PTPRD: variants seen among roughly 807,000 people sequenced by gnomAD.
PTPRD encodes receptor-type tyrosine-protein phosphatase delta.
In PTPRD, 34 loss-of-function variants were observed where a neutral mutation model predicts 214.5. The observed-to-expected ratio is 0.16, with a 90% confidence interval of 0.12 to 0.21. The LOEUF is 0.21. Among genes scored for constraint, PTPRD ranks in the 10% least tolerant of loss-of-function variants. PTPRD has a pLI of 1.00. For synonymous variants in PTPRD, 1,128 were observed against 845.7 expected (o/e 1.33, Z -5.79); for missense variants, 2,545 against 2,398.7 (o/e 1.06, Z -1.27).
rs1257233589 is a variant in PTPRD at position 10,315,875 on chromosome 9, A to G, written c.-545+25088T>C. ...ATGCCATTTATAGTAGTATATTTTA[A>G]GAAATGAGTCTTTCTCATGAAAGTT... is the stretch of plus-strand genomic sequence containing the variant. On this transcript the variant is annotated intron_variant, in intron 3 of 45. Coordinates refer to ENST00000381196, the MANE Select transcript of PTPRD (RefSeq NM_002839.4). Among the ~76,000 whole-genome samples the G allele has an allele frequency of 4.6e-5, 7 of 152,028 alleles. No individual in the cohort carries two copies. The East Asian group carries it at 1.4e-3, about 30-fold the overall frequency.
chr9:10,553,119 A>T (rs2061707834), intron 2 of PTPRD, among the ~76,000 whole-genome samples: 1 of 152,166 alleles, frequency 6.6e-6, no homozygotes. Context: ...ACAGAAGCAC[A>T]TCTGGATTTG....
chr9:8,777,136 C>A (rs140054970), intron 11 of PTPRD, among the ~76,000 whole-genome samples: 7 of 151,772 alleles, frequency 4.6e-5, no homozygotes, highest in Non-Finnish European at 7.4e-5. Context: ...CGTGCCACCG[C>A]GCCTAATTTT....
chr9:8,929,849 A>ATATATGTGTGTG (rs1567063547), intron 11 of PTPRD, among the ~76,000 whole-genome samples: 1 of 124,578 alleles, frequency 8.0e-6, no homozygotes. Flanking sequence ...ATATGTGTGT[A>ATATATGTGTGTG]TATATATGTG....
chr9:9,947,522 TTA>T (rs1375397658), intron 4 of PTPRD, among the ~76,000 whole-genome samples: 7 of 20,810 alleles, frequency 3.4e-4, no homozygotes, highest in East Asian at 0.013. Context: ...AATATATATA[TTA>T]TATATATTTT....
intron 2 of PTPRD, among the ~76,000 whole-genome samples, chr9:10,474,498 TA>T (rs1457702320): frequency 6.6e-6 from 1 of 152,024 alleles, no homozygotes; most frequent in East Asian, 1.9e-4. Flanking sequence ...AACAAATTCT[TA>T]GAGACCTACA....
At chr9:8,768,012 G>GAAAGA (rs2094895336) in intron 11 of PTPRD, among the ~76,000 whole-genome samples, 2 of 152,160 alleles carry the variant, frequency 1.3e-5, no homozygotes, top group African/African-American at 4.8e-5. Context: ...AGGTCAGAGG[G>GAAAGA]AAAGAAAATA....
chr9:8,855,003 T>C (rs920554845), intron 11 of PTPRD, among the ~76,000 whole-genome samples: 5 of 152,186 alleles, frequency 3.3e-5, no homozygotes, highest in African/African-American at 1.2e-4. Context: ...TGGAAAATCA[T>C]AGTGCCAGAG....
In PTPRD at chr9:8,460,589, CTA is replaced by C. The variant is rs1396109845; in HGVS notation, c.3715-20_3715-19del. ...TACATCTTCTGAGGAAAAGCAGAGTCTATTTCAGTTATAAAATAATGACTTTC... is the reference window on the plus strand; with the variant it reads ...TACATCTTCTGAGGAAAAGCAGAGTCTTTCAGTTATAAAATAATGACTTTC... On this transcript the variant is annotated intron_variant, in intron 32 of 45. Coordinates refer to ENST00000381196, the MANE Select transcript of PTPRD (RefSeq NM_002839.4). 1 of 1,600,496 alleles carries C rather than the reference CTA, an allele frequency of 6.2e-7. No homozygotes were observed.
intron 11 of PTPRD, among the ~76,000 whole-genome samples, chr9:8,908,631 T>A (rs559157371): frequency 7.2e-5 from 11 of 151,948 alleles, no homozygotes; most frequent in Admixed American, 4.6e-4. Context: ...AACATCTATA[T>A]TAGAAAAGGA....
chr9:10,582,591 C>G (rs1267477885), intron 2 of PTPRD, among the ~76,000 whole-genome samples: 2 of 152,194 alleles, frequency 1.3e-5, no homozygotes, highest in Non-Finnish European at 2.9e-5. Flanking sequence ...TCTGGGATGA[C>G]TAGCCATCTA....
At chr9:9,667,422 GTCTC>G (rs2096744945) in intron 7 of PTPRD, among the ~76,000 whole-genome samples, 1 of 152,088 alleles carries the variant, frequency 6.6e-6, no homozygotes, top group Non-Finnish European at 1.5e-5. Flanking sequence ...CAGCAAAACT[GTCTC>G]TCCATCAGTC....
chr9:9,198,528 C>A (rs1432510424), intron 9 of PTPRD, among the ~76,000 whole-genome samples: 2 of 151,790 alleles, frequency 1.3e-5, no homozygotes, highest in Non-Finnish European at 3.0e-5. Flanking sequence ...CTGCTGCTCT[C>A]AAGTCATTCT....
chr9:8,960,941 A>G (rs1311373748), intron 11 of PTPRD, among the ~76,000 whole-genome samples: 2 of 152,134 alleles, frequency 1.3e-5, no homozygotes, highest in African/African-American at 2.4e-5. Context: ...ATGAAGTTTT[A>G]TCTTGTTCCT....
At chr9:9,237,098 A>C (rs2099967301) in intron 9 of PTPRD, among the ~76,000 whole-genome samples, 1 of 152,216 alleles carries the variant, frequency 6.6e-6, no homozygotes, top group Non-Finnish European at 1.5e-5. Flanking sequence ...ATTTATTAAA[A>C]CATCACAAAC....
intron 8 of PTPRD, among the ~76,000 whole-genome samples, chr9:9,478,338 G>A (rs575593975): frequency 6.6e-6 from 1 of 152,242 alleles, no homozygotes; most frequent in South Asian, 2.1e-4. Flanking sequence ...ATGCCTTTAA[G>A]GTCTTGGATT....
intron 12 of PTPRD, among the ~76,000 whole-genome samples, chr9:8,683,661 G>T (rs74650084): frequency 6.6e-6 from 1 of 152,200 alleles, no homozygotes; most frequent in Non-Finnish European, 1.5e-5. Flanking sequence ...TCCACTAGCA[G>T]TGGGGAGTCT....
At chr9:8,609,276 C>T (rs544498942) in intron 14 of PTPRD, among the ~76,000 whole-genome samples, 1 of 152,158 alleles carries the variant, frequency 6.6e-6, no homozygotes, top group Non-Finnish European at 1.5e-5. Flanking sequence ...CGTGGCAGCA[C>T]TGGACAGGGT....
chr9:10,250,864 A>C (rs2154369096), intron 3 of PTPRD, among the ~76,000 whole-genome samples: 1 of 152,018 alleles, frequency 6.6e-6, no homozygotes, highest in East Asian at 1.9e-4. Context: ...AAATAGGTAT[A>C]AATATATATA....
intron 5 of PTPRD, among the ~76,000 whole-genome samples, chr9:9,893,166 C>G (rs2073941993): frequency 6.6e-6 from 1 of 151,950 alleles, no homozygotes; most frequent in Non-Finnish European, 1.5e-5. Flanking sequence ...TTTTTTATGG[C>G]TGCACACACT....
Sources: gnomAD v4.1 joint callset for allele counts (sites outside exome capture counted in the v4.1 genomes callset) on GRCh38, gnomAD v4.1.1 for gene constraint, MANE v1.5 for transcripts, NCBI Gene and HGNC (gene_info 2026-07-23, HGNC 2026-07-21) for gene names.